IL1RAP: variants seen among roughly 807,000 people sequenced by gnomAD.
IL1RAP encodes interleukin 1 receptor accessory protein.
In IL1RAP, 35 loss-of-function variants were observed where a neutral mutation model predicts 60.7. The ratio of observed to expected loss-of-function variants is 0.58; its 90% CI spans 0.44 to 0.76. The LOEUF (loss-of-function observed/expected upper bound fraction) is 0.76, where lower values mean the gene tolerates loss of function less well. Among genes scored for constraint, IL1RAP ranks in the 30% least tolerant of loss-of-function variants. The pLI is 0.00. For missense variants in IL1RAP, 572 were observed against 693.9 expected, an observed-to-expected ratio of 0.82 and a Z score of 1.97; for synonymous variants, 268 against 250.9, an observed-to-expected ratio of 1.07 and a Z score of -0.64.
chr3:190,544,432 A>G (rs945250869), intron 1 of IL1RAP, among the ~76,000 whole-genome samples: 1 of 152,242 alleles, frequency 6.6e-6, no homozygotes, highest in African/African-American at 2.4e-5. Context: ...TTGTTCCTCC[A>G]TCAGCTTGCC....
intron 2 of IL1RAP, among the ~76,000 whole-genome samples, chr3:190,557,232 A>G (rs1408049979): frequency 2.6e-5 from 4 of 152,170 alleles, no homozygotes; most frequent in Admixed American, 6.5e-5. Flanking sequence ...TGCTCTTTTT[A>G]AATTGCTCTT....
intron 6 of IL1RAP, 138 bp from the exon 7 acceptor site, chr3:190,623,206 A>G (rs1305926336): frequency 4.7e-6 from 3 of 640,626 alleles, no homozygotes; most frequent in African/African-American, 3.6e-5. Context: ...GTAATTGAGT[A>G]TATCTTGGAC....
intron 7 of IL1RAP, 60 bp downstream of exon 7, chr3:190,623,475 G>T: frequency 8.1e-7 from 1 of 1,233,624 alleles, no homozygotes; most frequent in Non-Finnish European, 1.2e-6. Flanking sequence ...GGAATAAAAT[G>T]TCATTTAAGT....
chr3:190,564,309 T>C lies in IL1RAP; in HGVS notation c.20T>C (p.Val7Ala). The C allele has an allele frequency of 1.2e-6, 2 of 1,610,996 alleles. No individual in the cohort carries two copies. The highest frequency in any genetic ancestry group is 1.7e-6 in the Non-Finnish European group (2 of 1,177,324). ...TACAGGATGACACTTCTGTGGTGTG[T>C]AGTGAGTCTCTACTTTTATGGAATC... is the stretch of plus-strand genomic sequence containing the variant. MTLLWC[V>A]VSLYFYGILQ... Residue 7 changes from valine (V) to alanine (A), a missense_variant, in exon 3 of 12, where the codon GTA becomes GCA. Transcript: ENST00000447382.
chr3:190,619,241 T>C (rs987509731), intron 5 of IL1RAP, among the ~76,000 whole-genome samples: 1 of 152,168 alleles, frequency 6.6e-6, no homozygotes, highest in Admixed American at 6.5e-5. Flanking sequence ...AGCCAAATAG[T>C]GAGACTGAGA....
chr3:190,514,535 C>T (rs1721329169), intron 1 of IL1RAP, among the ~76,000 whole-genome samples: 1 of 151,972 alleles, frequency 6.6e-6, no homozygotes, highest in African/African-American at 2.4e-5. Context: ...CGCCCCCTCC[C>T]CGCTACCACC....
Position 190,514,144 on chromosome 3 carries a change from C to T in IL1RAP, c.-164C>T, listed in dbSNP as rs1721290095. On this transcript the variant is annotated 5_prime_UTR_variant, in exon 1 of 12. Coordinates refer to ENST00000447382, the MANE Select transcript of IL1RAP (RefSeq NM_002182.4). ...CCGGGGTCCGCTTTGGCCAGAGGCG[C>T]GGAAGGAAGCAGTGCCCGGCGACAC... 1 of 152,228 alleles carries T rather than the reference C, an allele frequency of 6.6e-6. No homozygotes were observed. Among genetic ancestry groups the T allele is most frequent in the Non-Finnish European group, 1.5e-5 (1 of 68,084 alleles). The allele number at this position is 152,228 out of a possible 1,614,324, so 9.4% of individuals were successfully genotyped here.
intron 9 of IL1RAP, chr3:190,629,840 A>G (rs1427359619): frequency 9.9e-7 from 1 of 1,005,266 alleles, no homozygotes; most frequent in Non-Finnish European, 1.2e-6. Context: ...GTAGAGCCAC[A>G]TATTGTTGGT....
chr3:190,580,911 C>T lies in IL1RAP; in HGVS notation c.64+16558C>T, dbSNP rs574654015. ...TAGATTGTGATGATGGTTTCTTGCC[C>T]GTGTATATATCTCCAAACTCCTCAC... On this transcript the variant is annotated intron_variant, in intron 3 of 11. Transcript: ENST00000447382. 8.5e-4 allele frequency among the ~76,000 whole-genome samples: 129 copies of T among 152,188 alleles called. 1 individual carries two copies. Among genetic ancestry groups the T allele is most frequent in the African/African-American group, 3.0e-3 (125 of 41,518 alleles).
At chr3:190,607,140 C>A (rs1730401262) in intron 4 of IL1RAP, among the ~76,000 whole-genome samples, 1 of 151,904 alleles carries the variant, frequency 6.6e-6, no homozygotes. Flanking sequence ...AGAGTGCATA[C>A]CCCACCCCTT....
At chr3:190,529,335 G>A (rs1029901044) in intron 1 of IL1RAP, among the ~76,000 whole-genome samples, 1 of 144,570 alleles carries the variant, frequency 6.9e-6, no homozygotes, top group Non-Finnish European at 1.6e-5. Flanking sequence ...TCAGGAGTTC[G>A]AGACCAGCCT....
chr3:190,522,673 A>T (rs950744422), intron 1 of IL1RAP, among the ~76,000 whole-genome samples: 8 of 152,002 alleles, frequency 5.3e-5, no homozygotes, highest in Non-Finnish European at 1.2e-4. Flanking sequence ...ATGTGCCACA[A>T]TTTGGCAAAC....
At chr3:190,620,182 T>G (rs1471117159) in intron 5 of IL1RAP, 93 bp from the exon 6 acceptor site, 2 of 630,252 alleles carry the variant, frequency 3.2e-6, no homozygotes, top group East Asian at 5.9e-5. Context: ...ATTTCGGTGT[T>G]CTGTGCAAAA....
intron 1 of IL1RAP, among the ~76,000 whole-genome samples, chr3:190,545,267 G>C (rs1464079482): frequency 6.6e-6 from 1 of 152,186 alleles, no homozygotes; most frequent in African/African-American, 2.4e-5. Flanking sequence ...GATTAATTAT[G>C]CATATCTGCC....
intron 2 of IL1RAP, among the ~76,000 whole-genome samples, chr3:190,559,553 C>T (rs1725709885): frequency 6.6e-6 from 1 of 152,098 alleles, no homozygotes; most frequent in South Asian, 2.1e-4. Context: ...TAGCTGCATC[C>T]CACACACTTG....
At chr3:190,595,611 T>C (rs2108730116) in intron 3 of IL1RAP, among the ~76,000 whole-genome samples, 1 of 152,306 alleles carries the variant, frequency 6.6e-6, no homozygotes. Flanking sequence ...ACTTAGTCTC[T>C]AGCCTCAGGC....
chr3:190,625,531 A>G (rs1196689145), intron 7 of IL1RAP, among the ~76,000 whole-genome samples: 1 of 152,210 alleles, frequency 6.6e-6, no homozygotes, highest in Non-Finnish European at 1.5e-5. Flanking sequence ...TGCCAAAACT[A>G]TTTTGAGAAT....
At chr3:190,594,897 A>G (rs1470837533) in intron 3 of IL1RAP, among the ~76,000 whole-genome samples, 1 of 152,178 alleles carries the variant, frequency 6.6e-6, no homozygotes, top group Non-Finnish European at 1.5e-5. Flanking sequence ...ATTTTACACT[A>G]TTATGAGCTT....
chr3:190,623,413 C>G lies in IL1RAP; in HGVS notation c.773C>G (p.Pro258Arg). 6.3e-7 allele frequency: 1 copy of G among 1,597,454 alleles called. No individual in the cohort carries two copies. Among genetic ancestry groups the G allele is most frequent in the Non-Finnish European group, 8.6e-7 (1 of 1,164,994 alleles). ...PNDHVVYEKE[P>R]GEELLIPCTV... Reference sequence around the variant, plus strand: ...GATCATGTGGTCTATGAGAAAGAACCAGGTAATTACAGCTATGTCTCTGAA... The same window carrying G: ...GATCATGTGGTCTATGAGAAAGAACGAGGTAATTACAGCTATGTCTCTGAA... Residue 258 changes from proline (P) to arginine (R), a missense_variant and splice_region_variant, in exon 7 of 12, where the codon CCA (proline) becomes CGA (arginine). Coordinates refer to ENST00000447382, the MANE Select transcript of IL1RAP (RefSeq NM_002182.4).
Sources: gnomAD v4.1 joint callset for allele counts (sites outside exome capture counted in the v4.1 genomes callset) on GRCh38, gnomAD v4.1.1 for gene constraint, MANE v1.5 for transcripts, NCBI Gene and HGNC (gene_info 2026-07-23, HGNC 2026-07-21) for gene names.